The following CHLSN variants were observed in gnomAD, a reference collection of about 807,000 sequenced individuals.
CHLSN encodes the protein protein cholesin.
chr7:1,053,358 A>G, the CHLSN span, among the ~76,000 whole-genome samples: 3 of 152,116 alleles, frequency 2.0e-5, no homozygotes, highest in African/African-American at 7.2e-5. Context: ...GCAGGACAGG[A>G]CCCCGGCTAA....
At chr7:1,105,982 G>T in the CHLSN span, among the ~76,000 whole-genome samples, 1 of 151,562 alleles carries the variant, frequency 6.6e-6, no homozygotes, top group Non-Finnish European at 1.5e-5. Context: ...GGAGCACACG[G>T]AGGGGAGAGG....
At chr7:1,050,719 C>A in the CHLSN span, among the ~76,000 whole-genome samples, 10 of 152,202 alleles carry the variant, frequency 6.6e-5, no homozygotes, top group African/African-American at 2.4e-4. Context: ...AGAAAAGACC[C>A]CACCTTCTAT....
chr7:1,021,343 G>A, the CHLSN span: 9 of 981,928 alleles, frequency 9.2e-6, no homozygotes, highest in African/African-American at 5.2e-5. Flanking sequence ...CCTTTTCATC[G>A]TGGCAGTAGG....
chr7:1,015,431 G>A, the CHLSN span, among the ~76,000 whole-genome samples: 3 of 152,222 alleles, frequency 2.0e-5, no homozygotes, highest in African/African-American at 7.2e-5. Context: ...GCAGAGGCTG[G>A]GTTCATGCAA....
the CHLSN span, chr7:1,091,733 A>C: frequency 2.0e-6 from 3 of 1,527,332 alleles, no homozygotes; most frequent in Admixed American, 6.3e-5. Flanking sequence ...AGAGACATGG[A>C]TGTGACTTCC....
the CHLSN span, among the ~76,000 whole-genome samples, chr7:1,036,995 A>G: frequency 0.21 from 31,279 of 145,756 alleles, 5,448 homozygotes; most frequent in Admixed American, 0.26. Context: ...CCTGTAGTCC[A>G]AGCTATTCTG....
the CHLSN span, chr7:988,979 G>T: frequency 1.7e-6 from 1 of 587,948 alleles, no homozygotes; most frequent in East Asian, 2.8e-5. Flanking sequence ...ACTGCTTCCG[G>T]TTACACCCAG....
At chr7:1,101,836 G>A in the CHLSN span, among the ~76,000 whole-genome samples, 2 of 152,360 alleles carry the variant, frequency 1.3e-5, no homozygotes, top group African/African-American at 4.8e-5. Flanking sequence ...TGCGCGTCGC[G>A]GACACAGCAC....
chr7:1,012,403 C>T, the CHLSN span, among the ~76,000 whole-genome samples: 24 of 152,348 alleles, frequency 1.6e-4, no homozygotes, highest in Admixed American at 9.8e-4. Flanking sequence ...CGTCCCATAT[C>T]GGGGCCAAGC....
At chr7:1,121,514 G>A in the CHLSN span, among the ~76,000 whole-genome samples, 6 of 152,192 alleles carry the variant, frequency 3.9e-5, no homozygotes, top group Non-Finnish European at 8.8e-5. Flanking sequence ...ATAAAGCTGC[G>A]GTCTTCATGC....
the CHLSN span, among the ~76,000 whole-genome samples, chr7:1,119,113 G>A: frequency 1.4e-4 from 21 of 152,032 alleles, no homozygotes; most frequent in Non-Finnish European, 2.6e-4. Context: ...TTAGCCAGGC[G>A]TGGTGGCACA....
chr7:1,066,317 C>T, the CHLSN span, among the ~76,000 whole-genome samples: 7 of 152,346 alleles, frequency 4.6e-5, no homozygotes. Flanking sequence ...TCCTACGGGA[C>T]CCCCACGCCG....
the CHLSN span, chr7:987,660 A>C: frequency 1.1e-6 from 1 of 940,908 alleles, no homozygotes; most frequent in Non-Finnish European, 1.5e-6. Context: ...CGGAGGCAAT[A>C]AAGGGCGTCC....
chr7:995,390 G>A, the CHLSN span, among the ~76,000 whole-genome samples: 9 of 152,242 alleles, frequency 5.9e-5, no homozygotes, highest in African/African-American at 1.7e-4. Flanking sequence ...CTGTGCTGTC[G>A]AAGGGAGGCC....
chr7:1,005,604 C>G, the CHLSN span, among the ~76,000 whole-genome samples: 1 of 152,220 alleles, frequency 6.6e-6, no homozygotes. Flanking sequence ...AGAAGTGTCC[C>G]CTAAGCTCCG....
At chr7:979,999 A>G in the CHLSN span, among the ~76,000 whole-genome samples, 1 of 152,202 alleles carries the variant, frequency 6.6e-6, no homozygotes, top group African/African-American at 2.4e-5. Flanking sequence ...ATGAGCAAAC[A>G]CGGCTTCTGG....
At chr7:1,059,556 C>T in the CHLSN span, among the ~76,000 whole-genome samples, 11 of 85,766 alleles carry the variant, frequency 1.3e-4, no homozygotes, top group South Asian at 4.5e-4. Flanking sequence ...CTTAGTGGGG[C>T]GGGTCGGTAG....
chr7:985,301 T>G, the CHLSN span: 38 of 1,551,316 alleles, frequency 2.4e-5, no homozygotes, highest in Non-Finnish European at 3.3e-5. Flanking sequence ...GTCATGGTCC[T>G]CTTGGGGTCC....
the CHLSN span, among the ~76,000 whole-genome samples, chr7:1,008,824 ACAC>A: frequency 8.8e-6 from 1 of 113,976 alleles, no homozygotes; most frequent in African/African-American, 3.8e-5. Flanking sequence ...ACGCACATAT[ACAC>A]AACGTGTATA....
Sources: allele counts gnomAD v4.1 joint callset (sites outside exome capture counted in the v4.1 genomes callset), GRCh38; gene constraint gnomAD v4.1.1; transcripts MANE v1.5; gene names NCBI Gene and HGNC (gene_info 2026-07-23, HGNC 2026-07-21).